The following PHACTR1 variants were observed in gnomAD, a reference collection of about 807,000 sequenced individuals.
PHACTR1 encodes RPEL repeat containing 1.
A neutral mutation model predicts 69.2 loss-of-function variants in PHACTR1; 16 were observed. The observed-to-expected ratio is 0.23, with a 90% CI of 0.16 to 0.35. The LOEUF (loss-of-function observed/expected upper bound fraction) is 0.35. PHACTR1 is among the 10% of genes least tolerant of loss of function. The pLI, the probability that PHACTR1 is intolerant of heterozygous loss-of-function variation, is 1.00. For missense variants in PHACTR1, 510 were observed against 734.7 expected (o/e 0.69, Z 3.54); for synonymous variants, 312 against 284.5 (o/e 1.10, Z -0.97).
chr6:13,088,557 G>A (rs1561812950), intron 5 of PHACTR1, among the ~76,000 whole-genome samples: 2 of 151,860 alleles, frequency 1.3e-5, no homozygotes, highest in Non-Finnish European at 2.9e-5. Context: ...ATTTTCTTTT[G>A]GCCAGCATCT....
At position 13,210,847 on chromosome 6, in the gene PHACTR1, A is replaced by G. The variant is rs142785729; in HGVS notation, c.986+4711A>G. 6.9e-3 allele frequency among the ~76,000 whole-genome samples: 1,024 copies of G among 148,338 alleles called. 14 individuals carry two copies. The highest frequency in any genetic ancestry group is 0.035 in the East Asian group (173 of 4,974). ...TTGTTTGGGTAAGTTTCCTCAAATT[A>G]GATTATCTTCATTCCCCTCACCCTG... On this transcript the variant is annotated intron_variant, in intron 8 of 14. Coordinates refer to ENST00000332995, the MANE Select transcript of PHACTR1 (RefSeq NM_030948.6).
intron 7 of PHACTR1, among the ~76,000 whole-genome samples, chr6:13,203,523 T>C (rs573405709): frequency 3.9e-4 from 59 of 152,330 alleles, no homozygotes; most frequent in African/African-American, 1.4e-3. Flanking sequence ...ATTCCTGCTA[T>C]CATCATTAAC....
At chr6:12,772,005 G>A (rs373110524) in intron 4 of PHACTR1, among the ~76,000 whole-genome samples, 7 of 152,178 alleles carry the variant, frequency 4.6e-5, no homozygotes, top group Non-Finnish European at 7.4e-5. Context: ...CAGCCAAGCC[G>A]TAGACGCCTA....
At chr6:13,258,902 G>C (rs1217271582) in intron 10 of PHACTR1, among the ~76,000 whole-genome samples, 2 of 152,200 alleles carry the variant, frequency 1.3e-5, no homozygotes, top group African/African-American at 4.8e-5. Flanking sequence ...TCATCTGTGC[G>C]TGGTCATTCT....
At position 13,246,911 on chromosome 6, in the gene PHACTR1, C is replaced by G. The variant is rs1773653095; in HGVS notation, c.1391+16718C>G. ...TGATCATTTCACTCCTCTTGGGATGCCAAGACTTTTATAATGGCCTCAAAA... is the reference window on the plus strand; with the variant it reads ...TGATCATTTCACTCCTCTTGGGATGGCAAGACTTTTATAATGGCCTCAAAA... On this transcript the variant is annotated intron_variant, in intron 10 of 14. Transcript: ENST00000332995. This position sits in a 1 kb window ranked among gnomAD's most constrained non-coding sequence, Gnocchi z 4.2. Among the ~76,000 whole-genome samples the G allele has an allele frequency of 2.6e-5, 4 of 152,158 alleles. No individual in the cohort carries two copies.
chr6:13,083,961 G>A (rs1811836400), intron 5 of PHACTR1, among the ~76,000 whole-genome samples: 1 of 151,968 alleles, frequency 6.6e-6, no homozygotes, highest in African/African-American at 2.4e-5. Context: ...TGATTGCCCT[G>A]GCCAGAACTA....
At chr6:12,858,080 C>G (rs563267802) in intron 4 of PHACTR1, among the ~76,000 whole-genome samples, 16 of 152,154 alleles carry the variant, frequency 1.1e-4, no homozygotes, top group Non-Finnish European at 2.4e-4. Flanking sequence ...TGCAATCTCC[C>G]TGCAACATGA....
chr6:13,102,673 T>G (rs1259516856), intron 5 of PHACTR1, among the ~76,000 whole-genome samples: 1 of 152,170 alleles, frequency 6.6e-6, no homozygotes, highest in Admixed American at 6.5e-5. Flanking sequence ...CTCAAGAATG[T>G]ACAAAATCAC....
intron 4 of PHACTR1, among the ~76,000 whole-genome samples, chr6:12,970,149 G>T (rs1436535459): frequency 2.0e-5 from 3 of 152,184 alleles, no homozygotes; most frequent in Admixed American, 6.5e-5. Context: ...AGCTGAATGT[G>T]CTGTCTGTGG....
At chr6:12,962,695 C>T (rs1562061627) in intron 4 of PHACTR1, among the ~76,000 whole-genome samples, 1 of 152,158 alleles carries the variant, frequency 6.6e-6, no homozygotes, top group Non-Finnish European at 1.5e-5. Context: ...TTTTGCAGCT[C>T]TGTGGTGACA....
At chr6:13,120,685 T>G (rs1818572836) in intron 5 of PHACTR1, among the ~76,000 whole-genome samples, 1 of 152,322 alleles carries the variant, frequency 6.6e-6, no homozygotes, top group Non-Finnish European at 1.5e-5. Context: ...TGGCTGTGGC[T>G]GCAGAGGGCA....
intron 4 of PHACTR1, among the ~76,000 whole-genome samples, chr6:13,029,584 A>G (rs990927096): frequency 1.3e-5 from 2 of 152,220 alleles, no homozygotes; most frequent in African/African-American, 4.8e-5. Context: ...ACAAAAATAG[A>G]TGGAGGAGCA....
intron 3 of PHACTR1, among the ~76,000 whole-genome samples, chr6:12,731,184 T>A (rs1217627776): frequency 6.6e-6 from 1 of 151,914 alleles, no homozygotes; most frequent in Non-Finnish European, 1.5e-5. Context: ...CCTGGCTAAT[T>A]TTTGTATTTT....
At chr6:12,783,542 G>A (rs991848459) in intron 4 of PHACTR1, among the ~76,000 whole-genome samples, 2 of 152,096 alleles carry the variant, frequency 1.3e-5, no homozygotes, top group African/African-American at 2.4e-5. Context: ...CCTATTCATG[G>A]TGGACTCCAA....
At chr6:12,809,237 A>G (rs1423708268) in intron 4 of PHACTR1, among the ~76,000 whole-genome samples, 2 of 152,204 alleles carry the variant, frequency 1.3e-5, no homozygotes, top group Non-Finnish European at 2.9e-5. Flanking sequence ...TTTCTACAGT[A>G]AAAGTTATTG....
At chr6:12,867,243 C>T (rs1561960659) in intron 4 of PHACTR1, among the ~76,000 whole-genome samples, 1 of 152,180 alleles carries the variant, frequency 6.6e-6, no homozygotes, top group African/African-American at 2.4e-5. Flanking sequence ...AGCACTCTAG[C>T]CTTCACAGTA....
intron 5 of PHACTR1, among the ~76,000 whole-genome samples, chr6:13,134,552 G>T (rs191671984): frequency 1.3e-3 from 201 of 152,154 alleles, no homozygotes; most frequent in African/African-American, 4.5e-3. Flanking sequence ...TGGATTAAGG[G>T]CGGTGCAAGT....
chr6:13,187,191 C>T (rs139163134), intron 7 of PHACTR1, among the ~76,000 whole-genome samples: 6 of 152,260 alleles, frequency 3.9e-5, no homozygotes, highest in East Asian at 1.9e-4. Flanking sequence ...CCTAATAGGC[C>T]GCGGACCAGT....
intron 4 of PHACTR1, among the ~76,000 whole-genome samples, chr6:12,923,097 A>G (rs1398043470): frequency 1.3e-5 from 2 of 152,218 alleles, no homozygotes; most frequent in African/African-American, 4.8e-5. Context: ...GCCTTCCTCC[A>G]TAAATCTATT....
Sources: allele counts gnomAD v4.1 joint callset (sites outside exome capture counted in the v4.1 genomes callset), GRCh38; gene constraint gnomAD v4.1.1; non-coding constraint Gnocchi (gnomAD v3.1); transcripts MANE v1.5; gene names NCBI Gene and HGNC (gene_info 2026-07-23, HGNC 2026-07-21).